Variants in NPEPPS observed in about 807,000 individuals in gnomAD.
NPEPPS encodes puromycin-sensitive aminopeptidase.
Under a neutral mutation model 115.5 loss-of-function variants are expected in NPEPPS, and 14 were observed. The observed-to-expected ratio is 0.12, with a 90% CI of 0.08 to 0.19. The LOEUF (loss-of-function observed/expected upper bound fraction) is 0.19, where lower values mean the gene tolerates loss of function less well. NPEPPS is among the 10% of genes least tolerant of loss of function. NPEPPS has a pLI of 1.00. For synonymous variants in NPEPPS, 285 were observed against 390.6 expected (o/e 0.73, Z 3.19); for missense variants, 523 against 1,110.8 (o/e 0.47, Z 7.52).
intron 3 of NPEPPS, among the ~76,000 whole-genome samples, chr17:47,575,428 TAAC>T (rs72125615): frequency 0.027 from 4,093 of 151,880 alleles, 115 homozygotes; most frequent in East Asian, 0.11. Flanking sequence ...TTTCAAATAA[TAAC>T]AAACAAGTTA....
intron 2 of NPEPPS, among the ~76,000 whole-genome samples, chr17:47,562,605 A>C (rs1016215661): frequency 9.1e-6 from 1 of 109,616 alleles, no homozygotes; most frequent in African/African-American, 2.9e-5. Context: ...TTTTTGATGC[A>C]GAGTGTGTGT....
intron 10 of NPEPPS, among the ~76,000 whole-genome samples, chr17:47,591,465 T>G (rs1309552628): frequency 2.0e-5 from 3 of 152,134 alleles, no homozygotes; most frequent in Non-Finnish European, 4.4e-5. Flanking sequence ...CTGGACATAT[T>G]TTATTGTCAG....
At position 47,622,117 on chromosome 17, in the gene NPEPPS, C is replaced by A; in HGVS notation, c.*197C>A. The stretch of plus-strand genomic sequence containing the variant: ...TGAAAAAGGAAAATCAGCAATTCAG[C>A]AAAAAATAAATAAAAAATAAAAATG... On this transcript the variant is annotated 3_prime_UTR_variant, in exon 23 of 23. Transcript: ENST00000322157. 5.5e-6 allele frequency: 7 copies of A among 1,264,736 alleles called. No homozygotes were observed. Among genetic ancestry groups the A allele is most frequent in the South Asian group, 3.1e-5 (1 of 32,480 alleles). The allele number at this position is 1,264,736 out of a possible 1,614,324, so 78.3% of individuals were successfully genotyped here.
At chr17:47,535,763 A>G (rs1194924863) in intron 1 of NPEPPS, among the ~76,000 whole-genome samples, 1 of 149,748 alleles carries the variant, frequency 6.7e-6, no homozygotes, top group African/African-American at 2.5e-5. Context: ...AAAATGAATT[A>G]TAAGTTTATG....
At chr17:47,563,544 A>G (rs182094027) in intron 2 of NPEPPS, among the ~76,000 whole-genome samples, 2 of 152,180 alleles carry the variant, frequency 1.3e-5, no homozygotes, top group African/African-American at 2.4e-5. Flanking sequence ...TCAATAAAGA[A>G]CTGTAAGGTG....
intron 2 of NPEPPS, among the ~76,000 whole-genome samples, chr17:47,560,451 A>G (rs1910355445): frequency 6.6e-6 from 1 of 152,224 alleles, no homozygotes; most frequent in Non-Finnish European, 1.5e-5. Flanking sequence ...TAGGACCATC[A>G]CTATGTTATA....
At chr17:47,593,719 A>G (rs143912161) in intron 12 of NPEPPS, among the ~76,000 whole-genome samples, 11 of 152,364 alleles carry the variant, frequency 7.2e-5, no homozygotes, top group Non-Finnish European at 1.0e-4. Flanking sequence ...CACCTAGCCT[A>G]CATGGTATAT....
chr17:47,549,429 A>G (rs1909472433), intron 2 of NPEPPS, among the ~76,000 whole-genome samples: 1 of 152,126 alleles, frequency 6.6e-6, no homozygotes, highest in South Asian at 2.1e-4. Context: ...AGTCATGTGT[A>G]AGCCCACGTA....
chr17:47,598,785 G>A (rs1178105028), intron 13 of NPEPPS, among the ~76,000 whole-genome samples: 2 of 152,276 alleles, frequency 1.3e-5, no homozygotes, highest in East Asian at 3.9e-4. Context: ...GGGCTTTCAA[G>A]GTCTTGCTTT....
intron 2 of NPEPPS, among the ~76,000 whole-genome samples, chr17:47,546,531 A>C (rs1909230408): frequency 6.6e-6 from 1 of 152,024 alleles, no homozygotes; most frequent in Non-Finnish European, 1.5e-5. Flanking sequence ...TTTATTTTTA[A>C]ATTTATTTTT....
chr17:47,576,636 A>G (rs925174395), intron 3 of NPEPPS, among the ~76,000 whole-genome samples: 12 of 152,192 alleles, frequency 7.9e-5, no homozygotes, highest in Non-Finnish European at 1.5e-4. Flanking sequence ...CAGGTTTTAC[A>G]ATTGTTATAC....
intron 17 of NPEPPS, among the ~76,000 whole-genome samples, chr17:47,612,130 C>T (rs1350857869): frequency 6.6e-6 from 1 of 152,100 alleles, no homozygotes; most frequent in East Asian, 1.9e-4. Flanking sequence ...AACCTTGGGT[C>T]AAAACAGCAT....
rs753383358 is a variant in NPEPPS, at chr17:47,613,257, CTT to C, written c.2239-389_2239-388del. On this transcript the variant is annotated intron_variant, in intron 18 of 22. Transcript: ENST00000322157. ...GTAATATTCACATTTATAATATTTA[CTT>C]TTTTTTTTTTTTTTTTTTTTTTCTG... 1.0e-3 allele frequency among the ~76,000 whole-genome samples: 98 copies of C among 98,208 alleles called. 1 individual carries two copies. The highest frequency in any genetic ancestry group is 3.8e-3 in the African/African-American group (90 of 23,638). The allele number at this position is 98,208 out of a possible 152,430, so 64.4% of individuals were successfully genotyped here. A position where few individuals can be genotyped will look rare whatever the true frequency, so the allele number is the denominator to read the frequency against.
intron 17 of NPEPPS, among the ~76,000 whole-genome samples, chr17:47,609,640 G>A (rs968064579): frequency 3.3e-5 from 5 of 152,138 alleles, no homozygotes; most frequent in African/African-American, 1.2e-4. Context: ...ACAGTTCCAT[G>A]ACTTTCGGCA....
chr17:47,618,258 G>A (rs1914335236), intron 19 of NPEPPS, 92 bp from the exon 20 acceptor site: 1 of 778,614 alleles, frequency 1.3e-6, no homozygotes, highest in East Asian at 2.6e-5. Flanking sequence ...TAGAACCTAA[G>A]TTTTACCTTA....
chr17:47,541,018 A>G (rs558721463), intron 1 of NPEPPS, among the ~76,000 whole-genome samples: 38 of 152,352 alleles, frequency 2.5e-4, no homozygotes, highest in African/African-American at 8.9e-4. Context: ...GTATAAATAG[A>G]TGAGTTTCCC....
Position 47,610,843 on chromosome 17 carries a change from CTCTTTTTTTTTTTT to C in NPEPPS, c.2096-1615_2096-1602del, listed in dbSNP as rs1913813985. 2.8e-5 allele frequency among the ~76,000 whole-genome samples: 3 copies of C among 108,220 alleles called. No individual in the cohort carries two copies. The South Asian group carries it at 9.9e-4, about 36-fold the overall frequency. The allele number at this position is 108,220 out of a possible 152,430, so 71.0% of individuals were successfully genotyped here. On this transcript the variant is annotated intron_variant, in intron 17 of 22. Transcript: ENST00000322157. ...GTGAAATTGCTGAGTCATATGATGA[CTCTTTTTTTTTTTT>C]TTTTTTTTTTTTTTGAGATGGAGTC... is the stretch of plus-strand genomic sequence containing the variant.
intron 12 of NPEPPS, among the ~76,000 whole-genome samples, chr17:47,593,932 A>G (rs1912674060): frequency 6.6e-6 from 1 of 152,166 alleles, no homozygotes; most frequent in African/African-American, 2.4e-5. Context: ...GGGCAGGTGG[A>G]CTGCTTGAGT....
chr17:47,612,325 C>G (rs1466689160), intron 17 of NPEPPS, 135 bp from the exon 18 acceptor site: 2 of 783,506 alleles, frequency 2.6e-6, no homozygotes, highest in East Asian at 2.7e-5. Flanking sequence ...AGTATTCTCT[C>G]AGGTATTAAG....
Sources: gnomAD v4.1 joint callset for allele counts (sites outside exome capture counted in the v4.1 genomes callset) on GRCh38, gnomAD v4.1.1 for gene constraint, MANE v1.5 for transcripts, NCBI Gene and HGNC (gene_info 2026-07-23, HGNC 2026-07-21) for gene names.